The following PSD3 variants were observed in gnomAD, a reference collection of about 807,000 sequenced individuals.
The protein encoded by PSD3 is PH and SEC7 domain-containing protein 3.
PSD3 carries 49 observed loss-of-function variants against 105.5 expected under a neutral mutation model. That is an observed-to-expected ratio of 0.46 (90% CI 0.37 to 0.59). The LOEUF (loss-of-function observed/expected upper bound fraction) is 0.59. Ranked by LOEUF, PSD3 falls within the 20% of genes least tolerant of loss-of-function variation. The pLI, the probability that PSD3 is intolerant of heterozygous loss-of-function variation, is 0.00. For synonymous variants in PSD3, 557 were observed against 457.8 expected, an observed-to-expected ratio of 1.22 and a Z score of -2.77; for missense variants, 1,561 against 1,263.8, an observed-to-expected ratio of 1.24 and a Z score of -3.57.
chr8:18,624,928 G>A (rs1010739506), intron 11 of PSD3, among the ~76,000 whole-genome samples: 1 of 151,862 alleles, frequency 6.6e-6, no homozygotes, highest in African/African-American at 2.4e-5. Flanking sequence ...TAGAGATGAT[G>A]TCTTGCTATG....
At chr8:19,055,733 G>A (rs1319363678) in intron 1 of PSD3, among the ~76,000 whole-genome samples, 3 of 152,226 alleles carry the variant, frequency 2.0e-5, no homozygotes, top group African/African-American at 7.2e-5. Flanking sequence ...CAAGTGCACT[G>A]AAATGTCAAA....
intron 2 of PSD3, among the ~76,000 whole-genome samples, chr8:18,891,381 T>C (rs1451804858): frequency 2.0e-5 from 3 of 152,232 alleles, no homozygotes; most frequent in Non-Finnish European, 4.4e-5. Context: ...GAAATGATTT[T>C]GTTCAAGATT....
rs540339461 is a variant in PSD3, at chr8:18,654,350, T to C, written c.2216+1292A>G. 2.6e-5 allele frequency among the ~76,000 whole-genome samples: 4 copies of C among 152,294 alleles called. No homozygotes were observed. The South Asian group carries it at 6.2e-4, about 24-fold the overall frequency. On this transcript the variant is annotated intron_variant, in intron 10 of 15. Coordinates refer to ENST00000327040, the MANE Select transcript of PSD3 (RefSeq NM_015310.4). ...ACAAGTTTTATCTCCCAAGTTATGATTCTGTAAACCCGAGTTCATTGTAGA... is the reference window on the plus strand; with the variant it reads ...ACAAGTTTTATCTCCCAAGTTATGACTCTGTAAACCCGAGTTCATTGTAGA...
intron 9 of PSD3, among the ~76,000 whole-genome samples, chr8:18,757,702 C>T (rs931876987): frequency 2.6e-5 from 4 of 152,346 alleles, no homozygotes; most frequent in African/African-American, 7.2e-5. Flanking sequence ...TACCATCTTT[C>T]CACTTCCACT....
chr8:19,056,377 C>G (rs776715032), intron 1 of PSD3, among the ~76,000 whole-genome samples: 26 of 152,134 alleles, frequency 1.7e-4, no homozygotes, highest in Non-Finnish European at 2.9e-4. Flanking sequence ...GGAACTGTTC[C>G]TTTCAGTAGA....
chr8:19,035,102 T>A (rs1466942538), intron 1 of PSD3, among the ~76,000 whole-genome samples: 1 of 152,196 alleles, frequency 6.6e-6, no homozygotes, highest in Non-Finnish European at 1.5e-5. Context: ...CTTTTCTGAG[T>A]AACAAATATA....
At chr8:18,559,571 T>A (rs1321084948) in intron 14 of PSD3, among the ~76,000 whole-genome samples, 1 of 152,154 alleles carries the variant, frequency 6.6e-6, no homozygotes, top group Non-Finnish European at 1.5e-5. Context: ...AATGATAGAA[T>A]CCAGTTTATT....
At position 18,870,889 on chromosome 8, in the gene PSD3, G is replaced by A. The variant is rs151229171; in HGVS notation, c.1238+737C>T. ...CCAAGGTGGGAGGATCACTTGATGC[G>A]AGGAGTTTGAAACAGCCTGGGCAAC... On this transcript the variant is annotated intron_variant, in intron 3 of 15. Transcript: ENST00000327040. Among the ~76,000 whole-genome samples the A allele has an allele frequency of 9.2e-5, 14 of 152,116 alleles. No homozygotes were observed. In the East Asian group the frequency reaches 2.7e-3, roughly 30 times the overall value.
At chr8:18,775,524 A>G (rs1807973020) in intron 8 of PSD3, among the ~76,000 whole-genome samples, 1 of 152,114 alleles carries the variant, frequency 6.6e-6, no homozygotes, top group African/African-American at 2.4e-5. Context: ...TCTTTTTGAT[A>G]AAAACCATTT....
rs774987105 is a variant in PSD3 at position 18,575,280 on chromosome 8, T to G, written c.2487A>C (p.Glu829Asp). ...KGTVLYLQKD[E>D]YKPEKALSEE... ...CAGACAAGGCCTTTTCTGGCTTGTA[T>G]TCATCCTATAGATGGACACAAAGAA... Residue 829 changes from glutamate (E) to aspartate (D), a missense_variant, in exon 13 of 16, where the codon GAA (glutamate) becomes GAC (aspartate). Glu to Asp is a conservative substitution (Grantham distance 45). Coordinates refer to ENST00000327040, the MANE Select transcript of PSD3 (RefSeq NM_015310.4). 24 of 1,604,846 alleles carry G rather than the reference T, an allele frequency of 1.5e-5. No individual in the cohort carries two copies. Among genetic ancestry groups the G allele is most frequent in the Non-Finnish European group, 2.0e-5 (24 of 1,175,558 alleles).
intron 1 of PSD3, among the ~76,000 whole-genome samples, chr8:18,991,855 T>C (rs1053280113): frequency 2.0e-5 from 3 of 152,228 alleles, no homozygotes; most frequent in African/African-American, 4.8e-5. Context: ...TTTTATTGAA[T>C]ATTTACAATG....
Position 18,757,218 on chromosome 8 carries a change from C to T in PSD3, c.2172+8231G>A, listed in dbSNP as rs566023392. On this transcript the variant is annotated intron_variant, in intron 9 of 15. Transcript: ENST00000327040. ...CTGGAATCCCAGCACTTTGGGAGGCCGAGGTGGGTGGATCATTTGAGGTCA... is the reference window on the plus strand; with the variant it reads ...CTGGAATCCCAGCACTTTGGGAGGCTGAGGTGGGTGGATCATTTGAGGTCA... Among the ~76,000 whole-genome samples the T allele has an allele frequency of 2.9e-3, 432 of 149,822 alleles. 3 individuals carry two copies. The highest frequency in any genetic ancestry group is 0.01 in the African/African-American group (410 of 40,784).
At chr8:18,958,146 T>C (rs1440602152) in intron 1 of PSD3, among the ~76,000 whole-genome samples, 1 of 152,102 alleles carries the variant, frequency 6.6e-6, no homozygotes, top group Admixed American at 6.6e-5. Context: ...TAATAAAATA[T>C]AAGGTAGATA....
At chr8:18,925,294 C>T (rs1821290666) in intron 2 of PSD3, among the ~76,000 whole-genome samples, 1 of 152,016 alleles carries the variant, frequency 6.6e-6, no homozygotes, top group South Asian at 2.1e-4. Context: ...ACTCAAGAGG[C>T]TGAGGTGGGA....
chr8:18,562,097 G>C (rs1801426011), intron 14 of PSD3, among the ~76,000 whole-genome samples: 1 of 152,288 alleles, frequency 6.6e-6, no homozygotes, highest in East Asian at 1.9e-4. Context: ...AGAGAATCGG[G>C]AAACAGAGAA....
chr8:18,679,214 G>A (rs978454015), intron 9 of PSD3, among the ~76,000 whole-genome samples: 2 of 152,172 alleles, frequency 1.3e-5, no homozygotes, highest in Non-Finnish European at 2.9e-5. Flanking sequence ...AGGTCGCAAA[G>A]GGCCATTGTA....
At chr8:19,077,576 C>T (rs1228207977) in intron 1 of PSD3, among the ~76,000 whole-genome samples, 1 of 152,118 alleles carries the variant, frequency 6.6e-6, no homozygotes, top group South Asian at 2.1e-4. Context: ...CCTAGAAACA[C>T]TTGCAGAGAG....
chr8:18,901,805 T>A (rs918567967), intron 2 of PSD3, among the ~76,000 whole-genome samples: 1 of 152,202 alleles, frequency 6.6e-6, no homozygotes, highest in Non-Finnish European at 1.5e-5. Flanking sequence ...GGGCATAGTA[T>A]TCCTGGCTGG....
chr8:18,614,792 C>T (rs187839583), intron 11 of PSD3, among the ~76,000 whole-genome samples: 2 of 121,662 alleles, frequency 1.6e-5, no homozygotes, highest in East Asian at 4.4e-4. Context: ...TCATGCCTGG[C>T]TAATTTTTTT....
Sources: allele counts gnomAD v4.1 joint callset (sites outside exome capture counted in the v4.1 genomes callset), GRCh38; gene constraint gnomAD v4.1.1; transcripts MANE v1.5; gene names NCBI Gene and HGNC (gene_info 2026-07-23, HGNC 2026-07-21).